Variants in NFIC observed in about 807,000 individuals in gnomAD.
The protein encoded by NFIC is nuclear factor 1 C-type.
In NFIC, 12 loss-of-function variants were observed where a neutral mutation model predicts 54.4. That is an observed-to-expected ratio of 0.22 (90% CI 0.14 to 0.36). NFIC has a LOEUF of 0.36. Ranked by LOEUF, NFIC falls within the 10% of genes least tolerant of loss-of-function variation. The pLI is 1.00. For synonymous variants in NFIC, 322 were observed against 319.2 expected, an observed-to-expected ratio of 1.01 and a Z score of -0.09; for missense variants, 575 against 718.2, an observed-to-expected ratio of 0.80 and a Z score of 2.28.
intron 2 of NFIC, among the ~76,000 whole-genome samples, chr19:3,414,444 A>C (rs1010020004): frequency 7.2e-5 from 11 of 151,764 alleles, no homozygotes; most frequent in Non-Finnish European, 1.2e-4. Context: ...AAAATACAAA[A>C]ATTAGCTGGG....
intron 1 of NFIC, chr19:3,371,516 A>T (rs2145437593): frequency 1.3e-5 from 2 of 150,912 alleles, no homozygotes; most frequent in East Asian, 4.0e-4. Context: ...TGAATGAATG[A>T]ATGTTTTTGG....
rs368582114 is a variant in NFIC, at chr19:3,456,499, G to A, written c.1424-51G>A. ...CCCTCTCTGGGGCCAGGGCCGCCCC[G>A]GCTCCCACAACCCCTCGCTAACGGG... On this transcript the variant is annotated intron_variant, in intron 9 of 10. Coordinates refer to ENST00000443272, the MANE Select transcript of NFIC (RefSeq NM_001245002.2). 53 of 1,536,636 alleles carry A rather than the reference G, an allele frequency of 3.4e-5. No individual in the cohort carries two copies. The African/African-American group carries it at 5.9e-4, about 17-fold the overall frequency.
At position 3,458,647 on chromosome 19, in the gene NFIC, A is replaced by C. The variant is rs2121944270; in HGVS notation, c.1509+2012A>C. 6.7e-6 allele frequency among the ~76,000 whole-genome samples: 1 copy of C among 148,172 alleles called. No individual in the cohort carries two copies. Among genetic ancestry groups the C allele is most frequent in the Admixed American group, 6.7e-5 (1 of 15,004 alleles). ...GAATGGGGTGTGGGGGGGCACTGGC[A>C]AGGGGCTCAGCATAGGCAATGGTGT... On this transcript the variant is annotated intron_variant, in intron 10 of 10. Transcript: ENST00000443272. This position sits in a 1 kb window ranked among gnomAD's most constrained non-coding sequence, Gnocchi z 4.1.
upstream of NFIC, among the ~76,000 whole-genome samples, chr19:3,363,230 T>TGTGTGTGTGTGTGTGC (rs1406050027): frequency 0.088 from 4,880 of 55,226 alleles, 174 homozygotes; most frequent in Non-Finnish European, 0.1. Context: ...TATATGTATG[T>TGTGTGTGTGTGTGTGC]GTATGTGTGT....
At chr19:3,363,268 TA>T (rs1463164733), upstream of NFIC, among the ~76,000 whole-genome samples, 563 of 58,636 alleles carry the variant, frequency 9.6e-3, 15 homozygotes, top group African/African-American at 0.026. Flanking sequence ...TATATATATA[TA>T]TTTTTTTTTT....
intron 3 of NFIC, among the ~76,000 whole-genome samples, chr19:3,427,945 G>A (rs2082053371): frequency 6.6e-6 from 1 of 152,044 alleles, no homozygotes; most frequent in East Asian, 1.9e-4. Flanking sequence ...TGAGGTGGGT[G>A]GATCACCTGA....
At chr19:3,374,060 G>A (rs1184415543) in intron 1 of NFIC, among the ~76,000 whole-genome samples, 1 of 152,206 alleles carries the variant, frequency 6.6e-6, no homozygotes, top group Non-Finnish European at 1.5e-5. Context: ...GTAGGAATTT[G>A]GGATAAGTGC....
At chr19:3,394,531 C>CCG (rs1555744676) in intron 2 of NFIC, among the ~76,000 whole-genome samples, 1 of 48,890 alleles carries the variant, frequency 2.0e-5, no homozygotes, top group Non-Finnish European at 4.9e-5. Flanking sequence ...CCACCCCCCA[C>CCG]CCGCTTACAC....
chr19:3,359,645 T>C (rs771254258), upstream of NFIC: 8 of 1,350,312 alleles, frequency 5.9e-6, no homozygotes, highest in African/African-American at 1.1e-4. Flanking sequence ...CCGAGCGCGC[T>C]CGCTCCGGCG....
At position 3,452,572 on chromosome 19, in the gene NFIC, C is replaced by A. The variant is rs772596817; in HGVS notation, c.1175C>A (p.Thr392Lys). The A allele has an allele frequency of 1.2e-6, 2 of 1,613,908 alleles. No homozygotes were observed. The highest frequency in any genetic ancestry group is 1.7e-6 in the Non-Finnish European group (2 of 1,180,008). ...PQTASTYFPH[T>K]AIRYPPHLNP... Reference sequence around the variant, plus strand: ...ACGGCCTCCACCTACTTCCCCCACACGGCCATCCGCTACCCACCTCATCTC... The same window carrying A: ...ACGGCCTCCACCTACTTCCCCCACAAGGCCATCCGCTACCCACCTCATCTC... Residue 392 changes from threonine (T) to lysine (K), a missense_variant, in exon 8 of 11, where the codon ACG (threonine) becomes AAG (lysine). Coordinates refer to ENST00000443272, the MANE Select transcript of NFIC (RefSeq NM_001245002.2). This position sits in a 1 kb window ranked among gnomAD's most constrained non-coding sequence, Gnocchi z 5.3.
rs72974787 is a variant in NFIC at position 3,467,934 on chromosome 19, C to A, written c.*5165C>A. On this transcript the variant is annotated 3_prime_UTR_variant, in exon 11 of 11. Coordinates refer to ENST00000443272, the MANE Select transcript of NFIC (RefSeq NM_001245002.2). ...CTCTCAATCCAGCTTCCTCCGCATC[C>A]TCCCATCTTGCCCCATTTCTGCCAC... The A allele has an allele frequency of 0.039, 5,931 of 151,622 alleles. 200 individuals are homozygous for A. Among genetic ancestry groups the A allele is most frequent in the Middle Eastern group, 0.065 (19 of 294 alleles). The allele number at this position is 151,622 out of a possible 1,614,324, so 9.4% of individuals were successfully genotyped here.
At chr19:3,431,436 A>G (rs1171380448) in intron 3 of NFIC, among the ~76,000 whole-genome samples, 1 of 131,114 alleles carries the variant, frequency 7.6e-6, no homozygotes, top group Non-Finnish European at 1.5e-5. Flanking sequence ...TGGTGCAATC[A>G]TAGCTCACTG....
At chr19:3,454,273 G>A (rs1026486647) in intron 9 of NFIC, 9 of 1,115,360 alleles carry the variant, frequency 8.1e-6, no homozygotes, top group African/African-American at 3.2e-5. Flanking sequence ...GGCCAGACTC[G>A]ACCCCCAGAC....
chr19:3,421,156 G>A (rs1444638066), intron 2 of NFIC, among the ~76,000 whole-genome samples: 1 of 152,238 alleles, frequency 6.6e-6, no homozygotes. Context: ...TGCCCGATTC[G>A]CAAGCTCATG....
intron 3 of NFIC, among the ~76,000 whole-genome samples, chr19:3,431,137 C>T (rs1461188028): frequency 6.6e-6 from 1 of 151,082 alleles, no homozygotes; most frequent in South Asian, 2.1e-4. Flanking sequence ...AGTGCAATGT[C>T]GCGATCTCGG....
chr19:3,374,264 G>A (rs1386984261), intron 1 of NFIC, among the ~76,000 whole-genome samples: 1 of 152,176 alleles, frequency 6.6e-6, no homozygotes, highest in African/African-American at 2.4e-5. Flanking sequence ...GGGTCCAGAT[G>A]TCTCTCCCAG....
chr19:3,449,121 G>C lies in NFIC; in HGVS notation c.1066G>C (p.Val356Leu). 2 of 1,613,324 alleles carry C rather than the reference G, an allele frequency of 1.2e-6. No individual in the cohort carries two copies. The highest frequency in any genetic ancestry group is 8.5e-7 in the Non-Finnish European group (1 of 1,179,628). ...CAGCTTCACCCAGCACCACCGGCCCGTCATCGCCGTGCACAGCGGTAAGCG... is the reference window on the plus strand; with the variant it reads ...CAGCTTCACCCAGCACCACCGGCCCCTCATCGCCGTGCACAGCGGTAAGCG... ...LSSFTQHHRP[V>L]IAVHSGIARS... Residue 356 changes from valine (V) to leucine (L), a missense_variant, in exon 7 of 11, where the codon GTC becomes CTC. Val to Leu is a conservative substitution (Grantham distance 32, BLOSUM62 1). Transcript: ENST00000443272.
intron 1 of NFIC, among the ~76,000 whole-genome samples, chr19:3,372,236 G>T (rs1447489231): frequency 6.6e-6 from 1 of 152,126 alleles, no homozygotes; most frequent in Middle Eastern, 3.4e-3. Flanking sequence ...GGCCAGGCTG[G>T]TCTCAAACTC....
At chr19:3,362,702 C>T (rs2080826108), upstream of NFIC, among the ~76,000 whole-genome samples, 1 of 152,086 alleles carries the variant, frequency 6.6e-6, no homozygotes, top group Non-Finnish European at 1.5e-5. Flanking sequence ...AACATCCCTT[C>T]TTACAGCCTC....
Sources: allele counts gnomAD v4.1 joint callset (sites outside exome capture counted in the v4.1 genomes callset), GRCh38; gene constraint gnomAD v4.1.1; non-coding constraint Gnocchi (gnomAD v3.1); transcripts MANE v1.5; gene names NCBI Gene and HGNC (gene_info 2026-07-23, HGNC 2026-07-21).